PTPRN2: variants seen among roughly 807,000 people sequenced by gnomAD.
PTPRN2 encodes protein tyrosine phosphatase receptor type N2.
PTPRN2 carries 74 observed loss-of-function variants against 118.8 expected under a neutral mutation model. The ratio of observed to expected loss-of-function variants is 0.62; its 90% confidence interval spans 0.52 to 0.76. The LOEUF (loss-of-function observed/expected upper bound fraction) is 0.76, where lower values mean the gene tolerates loss of function less well. Ranked by LOEUF, PTPRN2 falls within the 30% of genes least tolerant of loss-of-function variation. The probability of loss-of-function intolerance (pLI) is 0.00; values close to 1 mark genes in which losing one functional copy is unlikely to be tolerated. For missense variants in PTPRN2, 1,481 were observed against 1,394.4 expected, an observed-to-expected ratio of 1.06 and a Z score of -0.99; for synonymous variants, 641 against 608.0, an observed-to-expected ratio of 1.05 and a Z score of -0.80.
chr7:157,917,370 C>T (rs983503328), intron 11 of PTPRN2, among the ~76,000 whole-genome samples: 3 of 152,216 alleles, frequency 2.0e-5, no homozygotes, highest in African/African-American at 7.2e-5. Context: ...TTGTCAAACT[C>T]CACTCCTCAG....
chr7:158,072,310 G>A (rs1352622801), intron 11 of PTPRN2, among the ~76,000 whole-genome samples: 1 of 152,108 alleles, frequency 6.6e-6, no homozygotes, highest in Non-Finnish European at 1.5e-5. Context: ...ACGATTACAG[G>A]GCCAGGGGAC....
chr7:157,602,883 C>T (rs1013816474), intron 16 of PTPRN2, among the ~76,000 whole-genome samples: 4 of 152,238 alleles, frequency 2.6e-5, no homozygotes, highest in South Asian at 2.1e-4. Flanking sequence ...ATTTGTGCCT[C>T]GATCACCTGC....
At chr7:157,979,995 T>A (rs1308946493) in intron 11 of PTPRN2, among the ~76,000 whole-genome samples, 2 of 152,188 alleles carry the variant, frequency 1.3e-5, no homozygotes, top group Admixed American at 1.3e-4. Flanking sequence ...TAGAGTCTAT[T>A]TCCTCAGCAA....
At chr7:158,013,560 C>T (rs1425867272) in intron 11 of PTPRN2, among the ~76,000 whole-genome samples, 2 of 152,004 alleles carry the variant, frequency 1.3e-5, no homozygotes, top group Admixed American at 6.6e-5. Flanking sequence ...TCCAAACATA[C>T]ATTAATCTAC....
At chr7:158,185,655 G>A (rs1027202437) in intron 5 of PTPRN2, among the ~76,000 whole-genome samples, 2 of 152,122 alleles carry the variant, frequency 1.3e-5, no homozygotes, top group Non-Finnish European at 2.9e-5. Flanking sequence ...ATATTAACAT[G>A]ACCACACCAG....
intron 14 of PTPRN2, among the ~76,000 whole-genome samples, chr7:157,640,886 A>G (rs554953152): frequency 1.3e-5 from 2 of 152,360 alleles, no homozygotes; most frequent in East Asian, 3.9e-4. Context: ...CCAATAAAAG[A>G]CTGAAAGAAG....
chr7:158,327,499 G>A (rs1175588867), intron 2 of PTPRN2, among the ~76,000 whole-genome samples: 2 of 151,322 alleles, frequency 1.3e-5, no homozygotes, highest in African/African-American at 2.4e-5. Flanking sequence ...ACATGCACAA[G>A]TTCTCACACA....
intron 13 of PTPRN2, among the ~76,000 whole-genome samples, chr7:157,669,139 G>A (rs746690778): frequency 3.9e-5 from 6 of 152,146 alleles, no homozygotes; most frequent in Admixed American, 1.3e-4. Context: ...TGCATCTGGG[G>A]CAGCCCTGTG....
chr7:157,925,389 G>C (rs1202867495), intron 11 of PTPRN2, among the ~76,000 whole-genome samples: 1 of 152,254 alleles, frequency 6.6e-6, no homozygotes, highest in Non-Finnish European at 1.5e-5. Flanking sequence ...TGCTTTAGTA[G>C]GTTAAATCCC....
chr7:157,705,560 C>A (rs572086503), intron 12 of PTPRN2, among the ~76,000 whole-genome samples: 1 of 152,002 alleles, frequency 6.6e-6, no homozygotes, highest in Non-Finnish European at 1.5e-5. Flanking sequence ...TTGAGTGAAT[C>A]TGACCCAGGT....
At chr7:158,077,563 AC>A (rs59721772) in intron 11 of PTPRN2, among the ~76,000 whole-genome samples, 420 of 28,156 alleles carry the variant, frequency 0.015, 2 homozygotes, top group African/African-American at 0.037. Context: ...TATGAGCCAC[AC>A]CCCCACCACA....
chr7:158,493,897 G>C (rs149288310), intron 1 of PTPRN2, among the ~76,000 whole-genome samples: 1 of 151,742 alleles, frequency 6.6e-6, no homozygotes, highest in African/African-American at 2.4e-5. Context: ...ATGCATGCAC[G>C]TACATGGGTG....
intron 13 of PTPRN2, among the ~76,000 whole-genome samples, chr7:157,673,577 C>T (rs909555868): frequency 4.6e-5 from 7 of 152,060 alleles, no homozygotes; most frequent in Admixed American, 1.3e-4. Flanking sequence ...CCCTCCATTT[C>T]CCTTGTGCAT....
At chr7:157,951,624 C>T (rs180980574) in intron 11 of PTPRN2, among the ~76,000 whole-genome samples, 4 of 152,310 alleles carry the variant, frequency 2.6e-5, no homozygotes, top group Admixed American at 6.5e-5. Context: ...CCTTACTAAA[C>T]GATGTTCCCG....
At chr7:158,273,209 C>T (rs1222731718) in intron 3 of PTPRN2, among the ~76,000 whole-genome samples, 1 of 152,182 alleles carries the variant, frequency 6.6e-6, no homozygotes, top group African/African-American at 2.4e-5. Context: ...CGTGGAGCTC[C>T]AGGCAGCCTC....
intron 12 of PTPRN2, among the ~76,000 whole-genome samples, chr7:157,696,860 A>G (rs1284763955): frequency 1.7e-5 from 2 of 114,750 alleles, no homozygotes; most frequent in African/African-American, 6.9e-5. Context: ...CCGTCTACAC[A>G]TGCATACTGG....
intron 5 of PTPRN2, among the ~76,000 whole-genome samples, chr7:158,171,649 C>G (rs117757134): frequency 6.6e-6 from 1 of 152,014 alleles, no homozygotes; most frequent in African/African-American, 2.4e-5. Flanking sequence ...CCATGCCCAG[C>G]CTATACCTTC....
At chr7:158,354,724 A>G (rs1332761417) in intron 2 of PTPRN2, among the ~76,000 whole-genome samples, 1 of 152,178 alleles carries the variant, frequency 6.6e-6, no homozygotes, top group Non-Finnish European at 1.5e-5. Flanking sequence ...GGTGTTCAAG[A>G]GGGAGCTGAG....
At chr7:158,180,592 T>C (rs1374312457) in intron 5 of PTPRN2, among the ~76,000 whole-genome samples, 2 of 152,252 alleles carry the variant, frequency 1.3e-5, no homozygotes, top group African/African-American at 4.8e-5. Context: ...TGTTTCCATT[T>C]GTTTGTGTCA....
Sources: gnomAD v4.1 joint callset for allele counts (sites outside exome capture counted in the v4.1 genomes callset) on GRCh38, gnomAD v4.1.1 for gene constraint, MANE v1.5 for transcripts, NCBI Gene and HGNC (gene_info 2026-07-23, HGNC 2026-07-21) for gene names.